ITIH2: variants seen among roughly 807,000 people sequenced by gnomAD.
ITIH2 encodes inter-alpha-trypsin inhibitor heavy chain 2.
A neutral mutation model predicts 104.4 loss-of-function variants in ITIH2; 103 were observed. The ratio of observed to expected loss-of-function variants is 0.99; its 90% CI spans 0.84 to 1.16. ITIH2 has a LOEUF of 1.16. Among genes scored for constraint, ITIH2 ranks in the 50% most tolerant of loss-of-function variants. ITIH2 has a pLI of 0.00. For synonymous variants in ITIH2, 436 were observed against 435.4 expected (o/e 1.00, Z -0.02); for missense variants, 1,108 against 1,162.4 (o/e 0.95, Z 0.68).
rs1246983685 is a variant in ITIH2 at position 7,709,029 on chromosome 10, T to A, written c.200T>A (p.Val67Asp). The change falls in exon 4 of 21, where the codon GTT becomes GAT. Residue 67 changes from valine to aspartate, a missense_variant. Physicochemically the swap from Val to Asp is radical, Grantham distance 152 (BLOSUM62 -3). Coordinates refer to ENST00000358415, the MANE Select transcript of ITIH2 (RefSeq NM_002216.3). The part of the protein sequence containing the change: ...PGESEEMMEE[V>D]DQVTLYSYKV... ...CTTTCTTGCCAATTTCAGGAAGAGG[T>A]TGATCAAGTAACTCTTTATAGCTAT... 6.2e-7 allele frequency: 1 copy of A among 1,613,738 alleles called. No individual in the cohort carries two copies. Among genetic ancestry groups the A allele is most frequent in the Non-Finnish European group, 8.5e-7 (1 of 1,179,716 alleles).
chr10:7,706,610 A>G (rs1035756774), intron 2 of ITIH2, among the ~76,000 whole-genome samples: 3 of 152,248 alleles, frequency 2.0e-5, no homozygotes, highest in African/African-American at 7.2e-5. Context: ...TCCCTCAAAT[A>G]GAATGAATCA....
At chr10:7,715,496 C>G (rs1420444422) in intron 5 of ITIH2, among the ~76,000 whole-genome samples, 1 of 152,106 alleles carries the variant, frequency 6.6e-6, no homozygotes, top group Non-Finnish European at 1.5e-5. Context: ...GTTTATCCAT[C>G]ACACAAATAC....
intron 18 of ITIH2, among the ~76,000 whole-genome samples, 184 bp downstream of exon 18, chr10:7,744,464 C>G (rs953000736): frequency 6.6e-6 from 1 of 152,202 alleles, no homozygotes; most frequent in African/African-American, 2.4e-5. Context: ...TGTTTTTGGT[C>G]ACCGTTGGGT....
rs528610314 is a variant in ITIH2, at chr10:7,725,247, TAG to T, written c.984+1681_984+1682del. The stretch of plus-strand genomic sequence containing the variant: ...AATTGCAGGGGTATGCAATTTTAAA[TAG>T]GCTTGTCATCTAAATAGGTGGTTTC... On this transcript the variant is annotated intron_variant, in intron 9 of 20. Transcript: ENST00000358415. Among the ~76,000 whole-genome samples the T allele has an allele frequency of 2.2e-4, 34 of 152,328 alleles. No homozygotes were observed. The South Asian group carries it at 6.4e-3, about 29-fold the overall frequency.
At chr10:7,739,482 T>C (rs901815242) in intron 16 of ITIH2, among the ~76,000 whole-genome samples, 3 of 152,190 alleles carry the variant, frequency 2.0e-5, no homozygotes, top group African/African-American at 7.2e-5. Context: ...CTGCCTGGAA[T>C]ACAGACCTTT....
chr10:7,744,538 C>A (rs1340238236), intron 18 of ITIH2, among the ~76,000 whole-genome samples: 1 of 152,188 alleles, frequency 6.6e-6, no homozygotes, highest in Non-Finnish European at 1.5e-5. Flanking sequence ...AATCAGTGAA[C>A]AAATCCACCA....
At position 7,746,657 on chromosome 10, in the gene ITIH2, G is replaced by A. The variant is rs1835180804; in HGVS notation, c.2646G>A (p.Lys882=). 6.2e-7 allele frequency: 1 copy of A among 1,614,030 alleles called. No individual in the cohort carries two copies. The highest frequency in any genetic ancestry group is 8.5e-7 in the Non-Finnish European group (1 of 1,179,952). The change falls in exon 20 of 21, where the codon AAG becomes AAA. Residue 882 remains lysine (K), a synonymous_variant. Coordinates refer to ENST00000358415, the MANE Select transcript of ITIH2 (RefSeq NM_002216.3). ...AGAGACCAGGAAAGGACCCTGAGAA[G>A]CCAGAGGCCAGCATGGAAGTGAAGG... is the stretch of plus-strand genomic sequence containing the variant. ...FNERPGKDPE[K]PEASMEVKGQ...
At chr10:7,740,024 G>A (rs1253142679) in intron 16 of ITIH2, among the ~76,000 whole-genome samples, 5 of 152,114 alleles carry the variant, frequency 3.3e-5, no homozygotes, top group Non-Finnish European at 7.4e-5. Context: ...TGTCTGTACT[G>A]AAAATACAAA....
intron 4 of ITIH2, among the ~76,000 whole-genome samples, chr10:7,710,301 G>A (rs73621263): frequency 0.071 from 10,866 of 152,152 alleles, 402 homozygotes; most frequent in Admixed American, 0.085. Flanking sequence ...GAAATTTTTC[G>A]TAATAAAAGA....
rs1835036590 is a variant in ITIH2 at position 7,734,780 on chromosome 10, G to C, written c.1788-142G>C. On this transcript the variant is annotated intron_variant, in intron 14 of 20. Coordinates refer to ENST00000358415, the MANE Select transcript of ITIH2 (RefSeq NM_002216.3). ...ATACTCAGCTTCTCGAAGCCAGTGA[G>C]TTCTGTTTCCCAGTTACTTTGCGGC... 6 of 637,712 alleles carry C rather than the reference G, an allele frequency of 9.4e-6. No homozygotes were observed. The Admixed American group carries it at 9.5e-5, about 10-fold the overall frequency. 39.5% of individuals were successfully genotyped at this position (637,712 alleles called of 1,614,324 possible).
intron 16 of ITIH2, among the ~76,000 whole-genome samples, chr10:7,739,783 A>G (rs1359845360): frequency 1.3e-5 from 2 of 152,116 alleles, no homozygotes; most frequent in Non-Finnish European, 2.9e-5. Context: ...CAGCTACTCA[A>G]GAGGTTGAGG....
intron 4 of ITIH2, among the ~76,000 whole-genome samples, chr10:7,710,697 G>T (rs79640258): frequency 0.05 from 7,662 of 152,190 alleles, 262 homozygotes; most frequent in Admixed American, 0.077. Context: ...GGCAGAAAAA[G>T]GCATTGTGTC....
chr10:7,716,218 T>C (rs1834848572), intron 5 of ITIH2, among the ~76,000 whole-genome samples: 1 of 152,102 alleles, frequency 6.6e-6, no homozygotes, highest in Non-Finnish European at 1.5e-5. Flanking sequence ...TGACCTCAAG[T>C]GACCCACCCA....
At chr10:7,735,569 A>G (rs1266334402) in intron 15 of ITIH2, among the ~76,000 whole-genome samples, 2 of 151,884 alleles carry the variant, frequency 1.3e-5, no homozygotes, top group African/African-American at 4.8e-5. Flanking sequence ...AACAAATACA[A>G]TTTCTATATG....
chr10:7,729,509 C>T (rs948666106), intron 11 of ITIH2, among the ~76,000 whole-genome samples: 5 of 152,050 alleles, frequency 3.3e-5, no homozygotes, highest in African/African-American at 1.2e-4. Context: ...CATACATACA[C>T]ATACATACAT....
At chr10:7,716,581 C>T (rs1168541179) in intron 5 of ITIH2, among the ~76,000 whole-genome samples, 1 of 151,602 alleles carries the variant, frequency 6.6e-6, no homozygotes, top group African/African-American at 2.4e-5. Flanking sequence ...ACTAAAAATA[C>T]AAAAATTAGC....
chr10:7,737,360 G>A (rs778547494), intron 15 of ITIH2, among the ~76,000 whole-genome samples: 5 of 140,936 alleles, frequency 3.5e-5, no homozygotes, highest in Admixed American at 2.2e-4. Flanking sequence ...TGGTTCTACC[G>A]AAACATATAT....
chr10:7,709,139 G>A lies in ITIH2; in HGVS notation c.310G>A (p.Val104Ile). Reference sequence around the variant, plus strand: ...GAACAATTCCCCGCAGCCTCAGAATGTCGTGTTTGATGTTCAGATCCCCAA... The same window carrying A: ...GAACAATTCCCCGCAGCCTCAGAATATCGTGTTTGATGTTCAGATCCCCAA... ...VVNNSPQPQNVVFDVQIPKGA... is the reference protein window; with the variant it reads ...VVNNSPQPQNIVFDVQIPKGA... The change falls in exon 4 of 21, where the codon GTC (valine) becomes ATC (isoleucine). Residue 104 changes from valine (V) to isoleucine (I), a missense_variant. Transcript: ENST00000358415. The A allele has an allele frequency of 6.2e-7, 1 of 1,614,062 alleles. No individual in the cohort carries two copies. Among genetic ancestry groups the A allele is most frequent in the Non-Finnish European group, 8.5e-7 (1 of 1,180,012 alleles).
In ITIH2 at chr10:7,744,976, T is replaced by C. The variant is rs1244768813; in HGVS notation, c.2581+13T>C. The C allele has an allele frequency of 5.6e-6, 9 of 1,611,414 alleles. No individual in the cohort carries two copies. The highest frequency in any genetic ancestry group is 3.3e-5 in the South Asian group (3 of 90,856). The stretch of plus-strand genomic sequence containing the variant: ...CACGGACTAATAGGTAAAGTGTCTA[T>C]TGACCATCTGACAAGGGTGGGGCCG... On this transcript the variant is annotated intron_variant, in intron 19 of 20. Coordinates refer to ENST00000358415, the MANE Select transcript of ITIH2 (RefSeq NM_002216.3).
Sources: gnomAD v4.1 joint callset for allele counts (sites outside exome capture counted in the v4.1 genomes callset) on GRCh38, gnomAD v4.1.1 for gene constraint, MANE v1.5 for transcripts, NCBI Gene and HGNC (gene_info 2026-07-23, HGNC 2026-07-21) for gene names.